The following FHL3 variants were observed in gnomAD, a reference collection of about 807,000 sequenced individuals.
FHL3 encodes four and a half LIM domains protein 3.
A neutral mutation model predicts 34.3 loss-of-function variants in FHL3; 21 were observed. That is an observed-to-expected ratio of 0.61 (90% CI 0.43 to 0.88). The LOEUF (loss-of-function observed/expected upper bound fraction) is 0.88. Ranked by LOEUF, FHL3 falls within the 40% of genes least tolerant of loss-of-function variation. The pLI, the probability that FHL3 is intolerant of heterozygous loss-of-function variation, is 0.00. For missense variants in FHL3, 333 were observed against 373.7 expected (o/e 0.89, Z 0.90); for synonymous variants, 137 against 144.6 (o/e 0.95, Z 0.38).
chr1:38,004,655 T>C (rs982137097), intron 1 of FHL3, among the ~76,000 whole-genome samples: 5 of 152,174 alleles, frequency 3.3e-5, no homozygotes, highest in Non-Finnish European at 5.9e-5. Context: ...TCTACATGGC[T>C]GAATGTCTCA....
At chr1:38,003,081 C>T (rs535383871) in intron 1 of FHL3, among the ~76,000 whole-genome samples, 83 of 152,010 alleles carry the variant, frequency 5.5e-4, no homozygotes, top group Non-Finnish European at 6.9e-4. Flanking sequence ...TTGCTTGAAC[C>T]GAGGAGGTGA....
chr1:37,997,949 G>A lies in FHL3; in HGVS notation c.501+14C>T, dbSNP rs1221422716. 1 of 1,613,780 alleles carries A rather than the reference G, an allele frequency of 6.2e-7. No individual in the cohort carries two copies. The highest frequency in any genetic ancestry group is 8.5e-7 in the Non-Finnish European group (1 of 1,179,872). On this transcript the variant is annotated intron_variant, in intron 4 of 5. Coordinates refer to ENST00000373016, the MANE Select transcript of FHL3 (RefSeq NM_004468.5). The surrounding 1 kb of genome is among the most constrained non-coding windows in gnomAD (Gnocchi z 4.3). Reference sequence around the variant, plus strand: ...AGGCCTCACTCACCCCCACCTGGCTGGCCCAGCCCCCACCTTGCTGCAGCG... The same window carrying A: ...AGGCCTCACTCACCCCCACCTGGCTAGCCCAGCCCCCACCTTGCTGCAGCG...
In FHL3 at chr1:37,997,841, A is replaced by G. The variant is rs2148729807; in HGVS notation, c.531T>C (p.Arg177=). 2 of 1,613,966 alleles carry G rather than the reference A, an allele frequency of 1.2e-6. No individual in the cohort carries two copies. Among genetic ancestry groups the G allele is most frequent in the Non-Finnish European group, 1.7e-6 (2 of 1,179,906 alleles). The stretch of plus-strand genomic sequence containing the variant: ...GACATTCTCGATGCCACGGCTGATC[A>G]CGGTATGTCACTCCACCCTGTGTCA... ...KTLTQGGVTY[R]DQPWHRECLV... Residue 177 remains arginine, a synonymous_variant, in exon 5 of 6, where the codon CGT becomes CGC. Transcript: ENST00000373016. The surrounding 1 kb of genome is among the most constrained non-coding windows in gnomAD (Gnocchi z 4.3).
chr1:38,001,806 G>A (rs1417599781), intron 1 of FHL3, among the ~76,000 whole-genome samples: 1 of 152,184 alleles, frequency 6.6e-6, no homozygotes, highest in Non-Finnish European at 1.5e-5. Context: ...ACTGGCTATG[G>A]TGTATGGAGC....
intron 1 of FHL3, among the ~76,000 whole-genome samples, chr1:38,005,045 A>C (rs1456167240): frequency 6.6e-6 from 1 of 151,538 alleles, no homozygotes; most frequent in Non-Finnish European, 1.5e-5. Flanking sequence ...CGAGAACCTC[A>C]GTTTCTCCAG....
rs775433440 is a variant in FHL3 at position 37,999,363 on chromosome 1, C to A, written c.50G>T (p.Arg17Leu). 2.5e-6 allele frequency: 4 copies of A among 1,614,114 alleles called. No homozygotes were observed. Among genetic ancestry groups the A allele is most frequent in the African/African-American group, 2.7e-5 (2 of 74,942 alleles). Residue 17 changes from arginine to leucine, a missense_variant, in exon 2 of 6, where the codon CGC becomes CTC. Physicochemically the swap from Arg to Leu is moderately radical, Grantham distance 102. Coordinates refer to ENST00000373016, the MANE Select transcript of FHL3 (RefSeq NM_004468.5). ...CAKCNESLYGRKYIQTDSGPY... is the reference protein window; with the variant it reads ...CAKCNESLYGLKYIQTDSGPY... Reference sequence around the variant, plus strand: ...GCCGCTGTCTGTCTGGATGTACTTGCGTCCATACAGGGACTCGTTGCATTT... The same window carrying A: ...GCCGCTGTCTGTCTGGATGTACTTGAGTCCATACAGGGACTCGTTGCATTT...
chr1:38,000,464 G>A (rs1421032315), intron 1 of FHL3, among the ~76,000 whole-genome samples: 1 of 152,128 alleles, frequency 6.6e-6, no homozygotes, highest in Non-Finnish European at 1.5e-5. Flanking sequence ...CTAGGGAGCT[G>A]AAAGGAGAGA....
At chr1:38,002,545 T>C (rs1338578319) in intron 1 of FHL3, among the ~76,000 whole-genome samples, 3 of 149,102 alleles carry the variant, frequency 2.0e-5, no homozygotes, top group Non-Finnish European at 4.5e-5. Context: ...ATTTTTTTTT[T>C]TTTTTTTTTT....
In FHL3 at chr1:37,999,015, A is replaced by G; in HGVS notation, c.290T>C (p.Phe97Ser). ...LLCNDCYCSA[F>S]SSQCSACGET... ...CCCACAAGCGGAGCACTGCGAGGAA[A>G]ACGCACTGCAGTAGCAGTCATTGCA... is the stretch of plus-strand genomic sequence containing the variant. Residue 97 changes from phenylalanine to serine, a missense_variant, in exon 3 of 6, where the codon TTT (phenylalanine) becomes TCT (serine). Physicochemically the swap from Phe to Ser is radical, Grantham distance 155. Transcript: ENST00000373016. The G allele has an allele frequency of 6.2e-7, 1 of 1,614,260 alleles. No individual in the cohort carries two copies. Among genetic ancestry groups the G allele is most frequent in the Non-Finnish European group, 8.5e-7 (1 of 1,180,046 alleles).
Position 37,997,473 on chromosome 1 carries a change from C to T in FHL3, c.775G>A (p.Val259Met). Reference protein sequence around the residue: ...FSCARCSTSLVGQGFVPDGDQ... With the variant: ...FSCARCSTSLMGQGFVPDGDQ... ...CCATCCGGTACGAAGCCCTGGCCCA[C>T]CAGGGAGGTAGAGCAGCGGGCGCAG... The change falls in exon 6 of 6, where the codon GTG (valine) becomes ATG (methionine). Residue 259 changes from valine (V) to methionine (M), a missense_variant. Coordinates refer to ENST00000373016, the MANE Select transcript of FHL3 (RefSeq NM_004468.5). The surrounding 1 kb of genome is among the most constrained non-coding windows in gnomAD (Gnocchi z 4.3). The T allele has an allele frequency of 6.2e-7, 1 of 1,614,054 alleles. No individual in the cohort carries two copies. Among genetic ancestry groups the T allele is most frequent in the Non-Finnish European group, 8.5e-7 (1 of 1,179,970 alleles).
Position 38,002,195 on chromosome 1 carries a change from T to C in FHL3, c.-20-2763A>G, listed in dbSNP as rs548081448. Among the ~76,000 whole-genome samples the C allele has an allele frequency of 4.6e-5, 7 of 151,082 alleles. No individual in the cohort carries two copies. In the East Asian group the frequency reaches 1.4e-3, roughly 30 times the overall value. The stretch of plus-strand genomic sequence containing the variant: ...CTCACTGCAACCTCCACCTCCCGGG[T>C]TCAAGTGATTCTCCTCCCTCAGCCT... On this transcript the variant is annotated intron_variant, in intron 1 of 5. Transcript: ENST00000373016.
chr1:38,001,354 G>A (rs938769782), intron 1 of FHL3, among the ~76,000 whole-genome samples: 6 of 152,342 alleles, frequency 3.9e-5, no homozygotes, highest in Admixed American at 2.6e-4. Context: ...GGGGTGCCTG[G>A]GCCTCTTCCT....
chr1:38,002,490 T>TC (rs1646605472), intron 1 of FHL3, among the ~76,000 whole-genome samples: 1 of 151,654 alleles, frequency 6.6e-6, no homozygotes, highest in Admixed American at 6.6e-5. Context: ...TGCCTTGGGT[T>TC]CCCAAAGTGC....
intron 1 of FHL3, among the ~76,000 whole-genome samples, chr1:38,004,558 T>C (rs1646624924): frequency 6.6e-6 from 1 of 152,136 alleles, no homozygotes; most frequent in Non-Finnish European, 1.5e-5. Context: ...AGTCTCTGTC[T>C]TTAGGTTTTG....
rs199860121 is a variant in FHL3 at position 37,997,596 on chromosome 1, G to C, written c.689-37C>G. 8 of 1,613,028 alleles carry C rather than the reference G, an allele frequency of 5.0e-6. No individual in the cohort carries two copies. Among genetic ancestry groups the C allele is most frequent in the Non-Finnish European group, 6.8e-6 (8 of 1,179,472 alleles). ...CTGGAAGTTAGCTATGCAGATGTGG[G>C]GATGGTCCGGCCCTCAACCTCACCC... On this transcript the variant is annotated intron_variant, in intron 5 of 5. Transcript: ENST00000373016. This position sits in a 1 kb window ranked among gnomAD's most constrained non-coding sequence, Gnocchi z 4.3.
intron 1 of FHL3, among the ~76,000 whole-genome samples, chr1:38,005,089 C>T (rs1045315139): frequency 3.9e-5 from 6 of 152,140 alleles, no homozygotes; most frequent in African/African-American, 1.4e-4. Context: ...TGTCTCTCTC[C>T]GGCTTTTCTA....
intron 3 of FHL3, 28 bp from the exon 4 acceptor site, chr1:37,998,160 G>A (rs1345288843): frequency 1.2e-6 from 2 of 1,609,658 alleles, no homozygotes; most frequent in Admixed American, 1.7e-5. Flanking sequence ...CCCATTTAGA[G>A]GTTGTGTCCC....
rs1646540721 is a variant in FHL3, at chr1:37,997,073, G to A, written c.*332C>T. 1 of 245,194 alleles carries A rather than the reference G, an allele frequency of 4.1e-6. No individual in the cohort carries two copies. Among genetic ancestry groups the A allele is most frequent in the Admixed American group, 5.1e-5 (1 of 19,732 alleles). The allele number at this position is 245,194 out of a possible 1,614,324, so 15.2% of individuals were successfully genotyped here. On this transcript the variant is annotated 3_prime_UTR_variant, in exon 6 of 6. Coordinates refer to ENST00000373016, the MANE Select transcript of FHL3 (RefSeq NM_004468.5). The surrounding 1 kb of genome is among the most constrained non-coding windows in gnomAD (Gnocchi z 4.3). ...GAAGTCTAGATTTAAGGGGGCCTAAGTCCCAGAGTCCAGGTTTGGAGGGCT... is the reference window on the plus strand; with the variant it reads ...GAAGTCTAGATTTAAGGGGGCCTAAATCCCAGAGTCCAGGTTTGGAGGGCT...
Position 37,999,329 on chromosome 1 carries a change from A to G in FHL3, c.84T>C (p.Cys28=), listed in dbSNP as rs1354552699. The change falls in exon 2 of 6, where the codon TGT becomes TGC. Residue 28 remains cysteine (C), a synonymous_variant. Transcript: ENST00000373016. ...KYIQTDSGPY[C]VPCYDNTFAN... ...CAAAGGTATTGTCATAGCAGGGCAC[A>G]CAGTAGGGGCCGCTGTCTGTCTGGA... 1 of 1,614,110 alleles carries G rather than the reference A, an allele frequency of 6.2e-7. No homozygotes were observed. Among genetic ancestry groups the G allele is most frequent in the Non-Finnish European group, 8.5e-7 (1 of 1,180,044 alleles).
Sources: allele counts gnomAD v4.1 joint callset (sites outside exome capture counted in the v4.1 genomes callset), GRCh38; gene constraint gnomAD v4.1.1; non-coding constraint Gnocchi (gnomAD v3.1); transcripts MANE v1.5; gene names NCBI Gene and HGNC (gene_info 2026-07-23, HGNC 2026-07-21).